The following APBB2 variants were observed in gnomAD, a reference collection of about 807,000 sequenced individuals.
APBB2 encodes amyloid beta precursor protein binding family B member 2, also known as Fe65-like 1.
Under a neutral mutation model 82.5 loss-of-function variants are expected in APBB2, and 38 were observed. The ratio of observed to expected loss-of-function variants is 0.46; its 90% CI spans 0.36 to 0.60. The LOEUF is 0.60. Ranked by LOEUF, APBB2 falls within the 20% of genes least tolerant of loss-of-function variation. APBB2 has a pLI of 0.00. For missense variants in APBB2, 772 were observed against 972.3 expected (o/e 0.79, Z 2.74); for synonymous variants, 341 against 368.2 (o/e 0.93, Z 0.85).
chr4:40,899,953 G>T (rs1189978866), intron 10 of APBB2, among the ~76,000 whole-genome samples: 1 of 152,160 alleles, frequency 6.6e-6, no homozygotes, highest in Non-Finnish European at 1.5e-5. Flanking sequence ...AGAAGACAGT[G>T]GTAAAATGAG....
At chr4:40,831,031 T>C (rs1309584999) in intron 12 of APBB2, among the ~76,000 whole-genome samples, 1 of 152,164 alleles carries the variant, frequency 6.6e-6, no homozygotes, top group Non-Finnish European at 1.5e-5. Flanking sequence ...CCCAGGAGTT[T>C]GAGGTTGCAG....
intron 6 of APBB2, among the ~76,000 whole-genome samples, chr4:40,982,231 AAAGAAAG>A (rs781766520): frequency 0.072 from 465 of 6,414 alleles, 44 homozygotes; most frequent in Non-Finnish European, 0.11. Flanking sequence ...GGAAAGAAAG[AAAGAAAG>A]AAAGAAAGAA....
At chr4:41,211,212 G>A (rs773760759) in intron 1 of APBB2, among the ~76,000 whole-genome samples, 21 of 151,664 alleles carry the variant, frequency 1.4e-4, no homozygotes, top group Non-Finnish European at 2.2e-4. Flanking sequence ...CCAAGATCGC[G>A]CCACTACACT....
intron 2 of APBB2, among the ~76,000 whole-genome samples, chr4:41,105,106 T>C (rs1746717641): frequency 6.6e-6 from 1 of 152,238 alleles, no homozygotes. Context: ...TGGTTGTATG[T>C]GTAGGAGAGG....
intron 6 of APBB2, among the ~76,000 whole-genome samples, chr4:40,982,182 T>C (rs1429972764): frequency 2.5e-5 from 3 of 120,424 alleles, no homozygotes; most frequent in Non-Finnish European, 3.4e-5. Flanking sequence ...TGAAACTCTG[T>C]CTCAAAAAAA....
chr4:40,884,916 A>G (rs932161675), intron 12 of APBB2, among the ~76,000 whole-genome samples: 2 of 152,262 alleles, frequency 1.3e-5, no homozygotes, highest in African/African-American at 4.8e-5. Flanking sequence ...AGATAGAACA[A>G]TCAAGTCAAA....
intron 1 of APBB2, among the ~76,000 whole-genome samples, chr4:41,157,411 T>C (rs1763751094): frequency 6.6e-6 from 1 of 152,194 alleles, no homozygotes; most frequent in Non-Finnish European, 1.5e-5. Flanking sequence ...TGTTTACCAT[T>C]GAACTAGAGC....
At chr4:41,208,988 T>C (rs1455993088) in intron 1 of APBB2, among the ~76,000 whole-genome samples, 1 of 152,178 alleles carries the variant, frequency 6.6e-6, no homozygotes, top group East Asian at 1.9e-4. Context: ...CCTGTAACTC[T>C]ACACACAAAG....
chr4:41,011,478 T>C (rs1458893068), intron 6 of APBB2, among the ~76,000 whole-genome samples: 4 of 152,176 alleles, frequency 2.6e-5, no homozygotes, highest in African/African-American at 9.7e-5. Flanking sequence ...TCACCCAGGC[T>C]AGAGTGCAGT....
intron 1 of APBB2, among the ~76,000 whole-genome samples, chr4:41,150,574 C>T (rs1184311746): frequency 5.9e-5 from 9 of 152,216 alleles, no homozygotes; most frequent in African/African-American, 2.2e-4. Context: ...CCAAATATTA[C>T]TGCCCTCATG....
chr4:41,036,278 T>C (rs1244445618), intron 4 of APBB2, among the ~76,000 whole-genome samples: 1 of 152,218 alleles, frequency 6.6e-6, no homozygotes, highest in Non-Finnish European at 1.5e-5. Context: ...GAAGGGAGTC[T>C]TGGAACCAAT....
At chr4:40,880,265 C>T in intron 12 of APBB2, 1 of 985,398 alleles carries the variant, frequency 1.0e-6, no homozygotes, top group Non-Finnish European at 1.2e-6. Flanking sequence ...AATGAGACTC[C>T]TTGAGTTCCA....
intron 4 of APBB2, among the ~76,000 whole-genome samples, chr4:41,061,504 A>T (rs1729822160): frequency 6.6e-6 from 1 of 152,216 alleles, no homozygotes; most frequent in Non-Finnish European, 1.5e-5. Context: ...CAAATGTGAT[A>T]CAATGATAAG....
Position 41,013,558 on chromosome 4 carries a change from G to A in APBB2, c.835+25C>T, listed in dbSNP as rs759702948. ...AGATAAAAAAAAAAAAGTGCCAGCT[G>A]AGGCTACGCCTTCCCCAGGGGTACC... On this transcript the variant is annotated intron_variant, in intron 6 of 17. Transcript: ENST00000508593. 4.4e-6 allele frequency: 7 copies of A among 1,575,914 alleles called. No individual in the cohort carries two copies. The Admixed American group carries it at 9.2e-5, about 21-fold the overall frequency.
At chr4:40,851,736 ATATTT>A (rs1342790206) in intron 12 of APBB2, among the ~76,000 whole-genome samples, 305 of 82,796 alleles carry the variant, frequency 3.7e-3, no homozygotes, top group African/African-American at 5.4e-3. Flanking sequence ...ATATATATAT[ATATTT>A]TTTTTTTTTT....
chr4:41,059,428 G>A (rs112506564), intron 4 of APBB2, among the ~76,000 whole-genome samples: 1 of 152,210 alleles, frequency 6.6e-6, no homozygotes, highest in East Asian at 1.9e-4. Flanking sequence ...CCATAAACTG[G>A]CCCCAAGACT....
In APBB2 at chr4:41,074,611, T is replaced by TTA. The variant is rs1560682524; in HGVS notation, c.-148-8939_-148-8938insTA. On this transcript the variant is annotated intron_variant, in intron 3 of 17. Coordinates refer to ENST00000508593, the MANE Select transcript of APBB2 (RefSeq NM_004307.2). The stretch of plus-strand genomic sequence containing the variant: ...GAAGGCAAATATTATTATTATTATT[T>TTA]TTTTTTTTTTTTTTTTGAGATGGAG... Among the ~76,000 whole-genome samples the TTA allele has an allele frequency of 7.7e-3, 747 of 96,860 alleles. 1 individual carries two copies. The highest frequency in any genetic ancestry group is 0.022 in the African/African-American group (698 of 31,598). The allele number at this position is 96,860 out of a possible 152,430, so 63.5% of individuals were successfully genotyped here. A position where few individuals can be genotyped will look rare whatever the true frequency, so the allele number is the denominator to read the frequency against.
At chr4:40,991,345 G>T (rs1305437761) in intron 6 of APBB2, among the ~76,000 whole-genome samples, 1 of 151,462 alleles carries the variant, frequency 6.6e-6, no homozygotes, top group Non-Finnish European at 1.5e-5. Flanking sequence ...TTTTTATTTT[G>T]CTTCCTGGTA....
intron 6 of APBB2, among the ~76,000 whole-genome samples, chr4:41,006,994 A>C (rs1806948965): frequency 6.6e-6 from 1 of 152,334 alleles, no homozygotes. Context: ...ACTATGCAAG[A>C]GTTCCACTTT....
Sources: allele counts gnomAD v4.1 joint callset (sites outside exome capture counted in the v4.1 genomes callset), GRCh38; gene constraint gnomAD v4.1.1; transcripts MANE v1.5; gene names NCBI Gene and HGNC (gene_info 2026-07-23, HGNC 2026-07-21).